The following CLEC4A variants were observed in gnomAD, a reference collection of about 807,000 sequenced individuals.
CLEC4A encodes the protein C-type lectin domain family 4 member A.
In CLEC4A, 27 loss-of-function variants were observed where a neutral mutation model predicts 32.7. The observed-to-expected ratio is 0.83, with a 90% CI of 0.61 to 1.14. The LOEUF is 1.14. Among genes scored for constraint, CLEC4A ranks in the 50% most tolerant of loss-of-function variants. CLEC4A has a pLI of 0.00. For missense variants in CLEC4A, 253 were observed against 274.6 expected (o/e 0.92, Z 0.55); for synonymous variants, 89 against 93.7 (o/e 0.95, Z 0.29).
chr12:8,129,615 AC>A (rs1947961827), intron 3 of CLEC4A, among the ~76,000 whole-genome samples: 1 of 151,986 alleles, frequency 6.6e-6, no homozygotes, highest in African/African-American at 2.4e-5. Context: ...AAATGGTGAA[AC>A]CCCGTCTCCA....
chr12:8,136,976 G>A lies in CLEC4A; in HGVS notation c.566+73G>A, dbSNP rs1948132653. 1.1e-5 allele frequency: 11 copies of A among 959,454 alleles called. No homozygotes were observed. In the South Asian group the frequency reaches 1.7e-4, roughly 15 times the overall value. The allele number at this position is 959,454 out of a possible 1,614,324, so 59.4% of individuals were successfully genotyped here. On this transcript the variant is annotated intron_variant, in intron 5 of 5. Transcript: ENST00000229332. ...AGAGCTTAGGGTATTCTAGCTATCAGCTATAAAAGTAAAATAGCTCACTCT... is the reference window on the plus strand; with the variant it reads ...AGAGCTTAGGGTATTCTAGCTATCAACTATAAAAGTAAAATAGCTCACTCT...
upstream of CLEC4A, among the ~76,000 whole-genome samples, chr12:8,119,429 G>C (rs1025623447): frequency 3.3e-5 from 5 of 152,146 alleles, no homozygotes; most frequent in African/African-American, 9.7e-5. Context: ...TCACCATGTT[G>C]GTCAGGCTGG....
the CLEC4A span, among the ~76,000 whole-genome samples, chr12:8,103,383 T>TTTTTTTTG: frequency 2.7e-5 from 3 of 109,404 alleles, no homozygotes; most frequent in Admixed American, 3.0e-4. Flanking sequence ...GTTGTTTTTT[T>TTTTTTTTG]TTTTTTTTTT....
chr12:8,132,670 A>G (rs1050905576), intron 3 of CLEC4A, among the ~76,000 whole-genome samples: 93 of 152,270 alleles, frequency 6.1e-4, no homozygotes, highest in African/African-American at 1.7e-3. Context: ...GATGATGTTT[A>G]TAAGTTCTAT....
At chr12:8,111,921 ATATGTGTGTGTG>A in the CLEC4A span, among the ~76,000 whole-genome samples, 20 of 109,662 alleles carry the variant, frequency 1.8e-4, no homozygotes, top group Non-Finnish European at 4.0e-5. Context: ...GTGAGTGTGT[ATATGTGTGTGTG>A]TGTGTGTGTG....
At chr12:8,136,547 A>G (rs117025546) in intron 4 of CLEC4A, among the ~76,000 whole-genome samples, 3,318 of 145,836 alleles carry the variant, frequency 0.023, 50 homozygotes, top group Non-Finnish European at 0.037. Context: ...CTGGGACAGA[A>G]AGTGAGACTC....
At chr12:8,110,942 C>T in the CLEC4A span, among the ~76,000 whole-genome samples, 1 of 151,694 alleles carries the variant, frequency 6.6e-6, no homozygotes, top group Non-Finnish European at 1.5e-5. Context: ...GGTGTGATCT[C>T]CGCTCACTAC....
chr12:8,135,606 C>G lies in CLEC4A; in HGVS notation c.320C>G (p.Pro107Arg), dbSNP rs772383748. The change falls in exon 4 of 6, where the codon CCA becomes CGA. Residue 107 changes from proline (P) to arginine (R), a missense_variant. Coordinates refer to ENST00000229332, the MANE Select transcript of CLEC4A (RefSeq NM_016184.4). ...ACAGAGACAGCCTGGAGCTGTTGCC[C>G]AAAGAATTGGAAGTCATTTAGTTCC... ...PVEETAWSCC[P>R]KNWKSFSSNC... 2 of 1,614,136 alleles carry G rather than the reference C, an allele frequency of 1.2e-6. No individual in the cohort carries two copies. The highest frequency in any genetic ancestry group is 2.2e-5 in the South Asian group (2 of 91,076).
the CLEC4A span, among the ~76,000 whole-genome samples, chr12:8,108,231 A>G: frequency 1.3e-5 from 2 of 152,164 alleles, no homozygotes; most frequent in African/African-American, 4.8e-5. Context: ...CTTCAGAGCC[A>G]GTCAATATGA....
At chr12:8,120,122 A>G (rs1947819307), upstream of CLEC4A, among the ~76,000 whole-genome samples, 1 of 152,184 alleles carries the variant, frequency 6.6e-6, no homozygotes, top group African/African-American at 2.4e-5. Context: ...GAGTATTGCC[A>G]ATCAGGGGAG....
the CLEC4A span, among the ~76,000 whole-genome samples, chr12:8,116,160 C>T: frequency 2.6e-5 from 4 of 152,170 alleles, no homozygotes; most frequent in South Asian, 8.3e-4. Context: ...CAGGATTTCA[C>T]CATGTTGGAC....
the CLEC4A span, among the ~76,000 whole-genome samples, chr12:8,112,621 T>G: frequency 6.6e-6 from 1 of 152,158 alleles, no homozygotes; most frequent in East Asian, 1.9e-4. Context: ...AAGTTTTAGT[T>G]GTGAGTTTGT....
At chr12:8,103,382 T>TTTTTTTTTG in the CLEC4A span, among the ~76,000 whole-genome samples, 1 of 107,788 alleles carries the variant, frequency 9.3e-6, no homozygotes, top group African/African-American at 3.6e-5. Flanking sequence ...TGTTGTTTTT[T>TTTTTTTTTG]TTTTTTTTTT....
the CLEC4A span, among the ~76,000 whole-genome samples, chr12:8,106,010 T>C: frequency 6.6e-6 from 1 of 152,216 alleles, no homozygotes; most frequent in South Asian, 2.1e-4. Context: ...TCAGGGTTTT[T>C]ATAGTTTTAT....
rs1591611840 is a variant in CLEC4A at position 8,134,979 on chromosome 12, G to GTTTTTTTTTTT, written c.299-600_299-599insTTTTTTTTTTT. The GTTTTTTTTTTT allele has an allele frequency of 4.6e-4, 76 of 166,010 alleles. 3 individuals are homozygous for GTTTTTTTTTTT. Among genetic ancestry groups the GTTTTTTTTTTT allele is most frequent in the South Asian group, 7.9e-4 (2 of 2,518 alleles). The allele number at this position is 166,010 out of a possible 1,614,324, so 10.3% of individuals were successfully genotyped here. A position where few individuals can be genotyped will look rare whatever the true frequency, so the allele number is the denominator to read the frequency against. ...TGTATCTTCTTGTTGAAGCGTTTTT[G>GTTTTTTTTTTT]TTTTTTGTTTTTTTTTAATCATGGC... On this transcript the variant is annotated intron_variant, in intron 3 of 5. Coordinates refer to ENST00000229332, the MANE Select transcript of CLEC4A (RefSeq NM_016184.4).
intron 3 of CLEC4A, among the ~76,000 whole-genome samples, chr12:8,135,044 T>TA (rs1324013291): frequency 3.7e-5 from 3 of 80,634 alleles, no homozygotes; most frequent in African/African-American, 1.3e-4. Flanking sequence ...ACAATTTTAT[T>TA]ATCTTTTTTT....
At chr12:8,116,189 T>C in the CLEC4A span, among the ~76,000 whole-genome samples, 1 of 152,146 alleles carries the variant, frequency 6.6e-6, no homozygotes, top group African/African-American at 2.4e-5. Flanking sequence ...CTTGAACTCC[T>C]GACCTCAAAT....
the CLEC4A span, among the ~76,000 whole-genome samples, chr12:8,115,250 A>G: frequency 3.3e-5 from 5 of 152,248 alleles, no homozygotes; most frequent in Admixed American, 2.0e-4. Context: ...CCTGCCTTTC[A>G]AAATGGCACA....
intron 1 of CLEC4A, among the ~76,000 whole-genome samples, chr12:8,124,506 G>A (rs1052229744): frequency 6.6e-6 from 1 of 152,190 alleles, no homozygotes; most frequent in Non-Finnish European, 1.5e-5. Flanking sequence ...AACTTTTTCT[G>A]AAATCAGAGA....
Sources: gnomAD v4.1 joint callset for allele counts (sites outside exome capture counted in the v4.1 genomes callset) on GRCh38, gnomAD v4.1.1 for gene constraint, MANE v1.5 for transcripts, NCBI Gene and HGNC (gene_info 2026-07-23, HGNC 2026-07-21) for gene names.